Variants in TTLL7 observed in about 807,000 individuals in gnomAD.
TTLL7 encodes the protein tubulin polyglutamylase TTLL7.
TTLL7 carries 53 observed loss-of-function variants against 120.2 expected under a neutral mutation model. The observed-to-expected ratio is 0.44, with a 90% CI of 0.35 to 0.55. TTLL7 has a LOEUF of 0.55. Ranked by LOEUF, TTLL7 falls within the 20% of genes least tolerant of loss-of-function variation. The pLI is 0.00. For synonymous variants in TTLL7, 353 were observed against 351.7 expected, an observed-to-expected ratio of 1.00 and a Z score of -0.04; for missense variants, 803 against 1,054.7, an observed-to-expected ratio of 0.76 and a Z score of 3.31.
intron 14 of TTLL7, among the ~76,000 whole-genome samples, chr1:83,916,236 CA>C (rs1455802139): frequency 2.0e-5 from 3 of 152,080 alleles, no homozygotes; most frequent in Non-Finnish European, 4.4e-5. Context: ...GACTTGGAAC[CA>C]ACCCAAATGT....
At chr1:83,994,237 A>G (rs566633422) in intron 1 of TTLL7, among the ~76,000 whole-genome samples, 10 of 152,208 alleles carry the variant, frequency 6.6e-5, no homozygotes, top group Admixed American at 2.0e-4. Context: ...ATGGCATAGT[A>G]TAAGAACCTG....
intron 14 of TTLL7, among the ~76,000 whole-genome samples, chr1:83,914,553 AT>A (rs779279621): frequency 2.4e-4 from 36 of 151,880 alleles, no homozygotes; most frequent in Non-Finnish European, 4.7e-4. Flanking sequence ...GATTGTCTCA[AT>A]CTCTTGACCT....
intron 3 of TTLL7, among the ~76,000 whole-genome samples, 161 bp downstream of exon 3, chr1:83,951,684 A>G (rs1649068165): frequency 1.3e-5 from 2 of 152,230 alleles, no homozygotes; most frequent in African/African-American, 4.8e-5. Flanking sequence ...TACCACACAG[A>G]AAAAGAATCC....
chr1:83,892,651 C>CATAT (rs1655745967), intron 18 of TTLL7, among the ~76,000 whole-genome samples: 2 of 106,976 alleles, frequency 1.9e-5, no homozygotes, highest in Middle Eastern at 4.9e-3. Context: ...TATATATGAA[C>CATAT]ATATGAATGA....
intron 8 of TTLL7, among the ~76,000 whole-genome samples, chr1:83,937,362 C>T (rs1395003073): frequency 4.6e-5 from 7 of 151,970 alleles, no homozygotes; most frequent in Admixed American, 6.6e-5. Flanking sequence ...CCACCACATC[C>T]GGCTAATTTT....
chr1:83,892,612 G>T (rs1016629790), intron 18 of TTLL7, among the ~76,000 whole-genome samples: 6 of 142,554 alleles, frequency 4.2e-5, no homozygotes, highest in Admixed American at 1.4e-4. Context: ...ACATATATAT[G>T]AACATATATA....
intron 1 of TTLL7, among the ~76,000 whole-genome samples, chr1:83,987,517 T>C (rs1040866851): frequency 6.6e-6 from 1 of 152,138 alleles, no homozygotes; most frequent in Admixed American, 6.5e-5. Context: ...TAATTTCAAT[T>C]TGTAAAATAA....
intron 3 of TTLL7, among the ~76,000 whole-genome samples, chr1:83,950,508 T>A (rs77684583): frequency 0.042 from 6,328 of 152,176 alleles, 152 homozygotes; most frequent in Middle Eastern, 0.092. Context: ...AGAGATTTGG[T>A]TTTGGTTCTC....
At chr1:83,916,678 T>C (rs1658218776) in intron 14 of TTLL7, among the ~76,000 whole-genome samples, 1 of 151,890 alleles carries the variant, frequency 6.6e-6, no homozygotes, top group African/African-American at 2.4e-5. Flanking sequence ...ACAAAGTGGC[T>C]AAGGACAAAG....
intron 19 of TTLL7, among the ~76,000 whole-genome samples, chr1:83,888,374 A>G (rs1655146571): frequency 6.6e-6 from 1 of 152,022 alleles, no homozygotes. Flanking sequence ...TTATTCTCAG[A>G]TTTCAACACA....
chr1:83,966,544 C>A (rs899255419), intron 1 of TTLL7, among the ~76,000 whole-genome samples: 1 of 151,938 alleles, frequency 6.6e-6, no homozygotes, highest in African/African-American at 2.4e-5. Flanking sequence ...GATATACCAA[C>A]CTAAATATAA....
rs1655649410 is a variant in TTLL7, at chr1:83,892,423, T to TATGAACATATGA, written c.2209-1943_2209-1942insTCATATGTTCAT. ...ATATGAACATATATATGAACATATA[T>TATGAACATATGA]ATGAACATATATATGAACATATGAA... On this transcript the variant is annotated intron_variant, in intron 18 of 20. Coordinates refer to ENST00000260505, the MANE Select transcript of TTLL7 (RefSeq NM_024686.6). Among the ~76,000 whole-genome samples the TATGAACATATGA allele has an allele frequency of 5.9e-5, 8 of 135,516 alleles. 1 individual carries two copies. Among genetic ancestry groups the TATGAACATATGA allele is most frequent in the Admixed American group, 7.3e-5 (1 of 13,726 alleles). The allele number at this position is 135,516 out of a possible 152,430, so 88.9% of individuals were successfully genotyped here. A position where few individuals can be genotyped will look rare whatever the true frequency, so the allele number is the denominator to read the frequency against.
chr1:83,996,561 T>C (rs77011041), intron 1 of TTLL7, among the ~76,000 whole-genome samples: 6,273 of 152,260 alleles, frequency 0.041, 155 homozygotes, highest in Middle Eastern at 0.099. Context: ...CTCTACTATT[T>C]CTCTTTTCTC....
intron 1 of TTLL7, among the ~76,000 whole-genome samples, chr1:83,987,372 T>C (rs7519127): frequency 0.047 from 7,143 of 152,284 alleles, 230 homozygotes; most frequent in Middle Eastern, 0.11. Flanking sequence ...GCAGTGATGA[T>C]GGCAATTCTC....
intron 1 of TTLL7, among the ~76,000 whole-genome samples, chr1:83,957,748 T>C (rs1366658843): frequency 6.6e-6 from 1 of 152,190 alleles, no homozygotes; most frequent in African/African-American, 2.4e-5. Flanking sequence ...TTCGCAAAGA[T>C]GCTTGATTTT....
intron 18 of TTLL7, chr1:83,900,145 A>C (rs1280378972): frequency 2.2e-6 from 1 of 445,488 alleles, no homozygotes; most frequent in Non-Finnish European, 4.5e-6. Context: ...CATGTAAAAA[A>C]CAGAATAGCA....
chr1:83,910,345 G>A (rs564164182), intron 15 of TTLL7, among the ~76,000 whole-genome samples: 42 of 152,212 alleles, frequency 2.8e-4, no homozygotes, highest in Admixed American at 8.5e-4. Flanking sequence ...AGTGGAGCAC[G>A]AGGCAAATAG....
chr1:83,981,753 A>T (rs1037818483), intron 1 of TTLL7, among the ~76,000 whole-genome samples: 4 of 150,292 alleles, frequency 2.7e-5, no homozygotes, highest in African/African-American at 9.8e-5. Context: ...AATGGTGTGA[A>T]CCCGGGGGCG....
At chr1:83,891,523 A>ATT (rs1224494255) in intron 18 of TTLL7, among the ~76,000 whole-genome samples, 1 of 152,098 alleles carries the variant, frequency 6.6e-6, no homozygotes, top group African/African-American at 2.4e-5. Flanking sequence ...ATTATCTCCT[A>ATT]AAGTTGAAAA....
Sources: gnomAD v4.1 joint callset for allele counts (sites outside exome capture counted in the v4.1 genomes callset) on GRCh38, gnomAD v4.1.1 for gene constraint, MANE v1.5 for transcripts, NCBI Gene and HGNC (gene_info 2026-07-23, HGNC 2026-07-21) for gene names.